WDPCP: variants seen among roughly 807,000 people sequenced by gnomAD.
The protein encoded by WDPCP is WD repeat containing planar cell polarity effector, also known as WD repeat-containing and planar cell polarity effector protein fritz homolog.
A neutral mutation model predicts 93.1 loss-of-function variants in WDPCP; 71 were observed. The ratio of observed to expected loss-of-function variants is 0.76; its 90% CI spans 0.63 to 0.93. The LOEUF (loss-of-function observed/expected upper bound fraction) is 0.93, where lower values mean the gene tolerates loss of function less well. WDPCP is among the 40% of genes least tolerant of loss of function. WDPCP has a pLI of 0.00. For synonymous variants in WDPCP, 315 were observed against 315.0 expected (o/e 1.00, Z 0.00); for missense variants, 844 against 887.4 (o/e 0.95, Z 0.62).
chr2:63,453,682 G>A (rs1212019322), intron 6 of WDPCP, among the ~76,000 whole-genome samples: 3 of 151,968 alleles, frequency 2.0e-5, no homozygotes, highest in East Asian at 1.9e-4. Flanking sequence ...TAGCAAAGAC[G>A]TGGAACCAAC....
chr2:63,135,619 T>C (rs999123873), intron 17 of WDPCP, among the ~76,000 whole-genome samples: 4 of 152,266 alleles, frequency 2.6e-5, no homozygotes, highest in Non-Finnish European at 5.9e-5. Flanking sequence ...CATGTGCCAC[T>C]GTGCCCAGCC....
intron 2 of WDPCP, among the ~76,000 whole-genome samples, chr2:63,694,742 T>C (rs1668940056): frequency 6.6e-6 from 1 of 152,144 alleles, no homozygotes; most frequent in South Asian, 2.1e-4. Flanking sequence ...TCATATTTGT[T>C]TAAAAAACAA....
chr2:63,471,146 T>C (rs965694321), intron 6 of WDPCP, among the ~76,000 whole-genome samples: 2 of 152,256 alleles, frequency 1.3e-5, no homozygotes, highest in African/African-American at 4.8e-5. Flanking sequence ...TTTTAGAACA[T>C]AAGCTACATG....
intron 12 of WDPCP, among the ~76,000 whole-genome samples, chr2:63,351,163 G>A (rs1328911036): frequency 6.6e-6 from 1 of 151,964 alleles, no homozygotes; most frequent in Non-Finnish European, 1.5e-5. Context: ...TGTATTTTTA[G>A]TAGAGATGGG....
At chr2:63,149,089 G>A (rs940117946) in intron 17 of WDPCP, among the ~76,000 whole-genome samples, 3 of 151,844 alleles carry the variant, frequency 2.0e-5, no homozygotes, top group Non-Finnish European at 2.9e-5. Flanking sequence ...AAAAAGATAA[G>A]CAACAACTTG....
chr2:63,663,221 G>A (rs1199267281), intron 2 of WDPCP, among the ~76,000 whole-genome samples: 1 of 152,176 alleles, frequency 6.6e-6, no homozygotes, highest in African/African-American at 2.4e-5. Flanking sequence ...CCTGTACCCT[G>A]CCCCTTGCCC....
chr2:63,149,810 C>T (rs1671771199), intron 17 of WDPCP, among the ~76,000 whole-genome samples: 1 of 151,976 alleles, frequency 6.6e-6, no homozygotes, highest in South Asian at 2.1e-4. Context: ...GAGTTTGAGA[C>T]CAACAATATA....
chr2:63,735,874 A>G (rs897971094), intron 2 of WDPCP, among the ~76,000 whole-genome samples: 7 of 152,274 alleles, frequency 4.6e-5, no homozygotes, highest in Non-Finnish European at 1.0e-4. Flanking sequence ...CTGTACCCAA[A>G]GATACACAGA....
At chr2:63,741,610 T>A (rs1160725842) in intron 2 of WDPCP, among the ~76,000 whole-genome samples, 1 of 152,054 alleles carries the variant, frequency 6.6e-6, no homozygotes, top group East Asian at 1.9e-4. Flanking sequence ...TCAAATTTAA[T>A]GGCTTAACAA....
chr2:63,731,201 G>A lies in WDPCP; in HGVS notation n.309-80363C>T, dbSNP rs140440890. On this transcript the variant is annotated intron_variant and non_coding_transcript_variant, in intron 2 of 4. Transcript: ENST00000467687. ...GGAGAATCACTTGAATCCGGGAGGCGGAGGTTGCAGTGAGCTGAGATTGCG... is the reference window on the plus strand; with the variant it reads ...GGAGAATCACTTGAATCCGGGAGGCAGAGGTTGCAGTGAGCTGAGATTGCG... Among the ~76,000 whole-genome samples the A allele has an allele frequency of 7.3e-5, 11 of 151,556 alleles. No homozygotes were observed. In the East Asian group the frequency reaches 9.7e-4, roughly 13 times the overall value.
intron 12 of WDPCP, among the ~76,000 whole-genome samples, chr2:63,317,269 G>A (rs767763431): frequency 8.6e-5 from 13 of 151,880 alleles, no homozygotes; most frequent in Non-Finnish European, 1.9e-4. Flanking sequence ...TTAGCTGGGC[G>A]TGGTGGCGGG....
intron 14 of WDPCP, among the ~76,000 whole-genome samples, chr2:63,225,330 A>G (rs1395129758): frequency 6.6e-6 from 1 of 151,874 alleles, no homozygotes; most frequent in African/African-American, 2.4e-5. Context: ...ATCATCAGAA[A>G]AATACAAATT....
At chr2:63,264,662 C>T (rs1358207778) in intron 13 of WDPCP, among the ~76,000 whole-genome samples, 1 of 152,124 alleles carries the variant, frequency 6.6e-6, no homozygotes, top group Non-Finnish European at 1.5e-5. Flanking sequence ...ACTTTCAACA[C>T]TGGATCATCT....
intron 1 of WDPCP, among the ~76,000 whole-genome samples, chr2:63,530,557 T>G (rs1159588968): frequency 2.6e-5 from 4 of 152,186 alleles, no homozygotes; most frequent in Non-Finnish European, 5.9e-5. Flanking sequence ...CATGTCACTT[T>G]AAGGTAATTA....
rs528783669 is a variant in WDPCP at position 63,675,531 on chromosome 2, G to C, written n.309-24693C>G. 2.6e-5 allele frequency among the ~76,000 whole-genome samples: 4 copies of C among 152,116 alleles called. No homozygotes were observed. In the South Asian group the frequency reaches 8.3e-4, roughly 32 times the overall value. ...TTTCCTTTCTTCGCGGGGTAGGGGG[G>C]TGGCAAGGGCAGAAAAATCTCCATT... On this transcript the variant is annotated intron_variant and non_coding_transcript_variant, in intron 2 of 4. Transcript: ENST00000467687.
chr2:63,604,662 G>A (rs1210148398), intron 3 of WDPCP: 2 of 1,546,796 alleles, frequency 1.3e-6, no homozygotes, highest in African/African-American at 2.7e-5. Flanking sequence ...AAAACCATTT[G>A]TCTCAGTAAT....
upstream of WDPCP, among the ~76,000 whole-genome samples, chr2:63,832,295 C>A (rs1436590894): frequency 6.6e-6 from 1 of 152,210 alleles, no homozygotes; most frequent in African/African-American, 2.4e-5. Flanking sequence ...CTTCCTCATG[C>A]AGCAGTCTCA....
chr2:63,733,269 G>A (rs1457671773), intron 2 of WDPCP, among the ~76,000 whole-genome samples: 2 of 139,614 alleles, frequency 1.4e-5, no homozygotes, highest in Non-Finnish European at 3.1e-5. Context: ...GCGCAATCTC[G>A]GCTCACTGCA....
At chr2:63,717,629 T>C (rs1669357801) in intron 2 of WDPCP, 5 of 526,128 alleles carry the variant, frequency 9.5e-6, no homozygotes, top group Non-Finnish European at 1.5e-5. Flanking sequence ...AGTGACCCCA[T>C]GTTAAGCTGA....
Sources: gnomAD v4.1 joint callset for allele counts (sites outside exome capture counted in the v4.1 genomes callset) on GRCh38, gnomAD v4.1.1 for gene constraint, MANE v1.5 for transcripts, NCBI Gene and HGNC (gene_info 2026-07-23, HGNC 2026-07-21) for gene names.